Variants in TENM4 observed in about 807,000 individuals in gnomAD.
The protein encoded by TENM4 is teneurin transmembrane protein 4.
TENM4 carries 82 observed loss-of-function variants against 243.3 expected under a neutral mutation model. The ratio of observed to expected loss-of-function variants is 0.34; its 90% confidence interval spans 0.28 to 0.40. TENM4 has a LOEUF of 0.40. Ranked by LOEUF, TENM4 falls within the 10% of genes least tolerant of loss-of-function variation. TENM4 has a pLI of 1.00. For missense variants in TENM4, 3,138 were observed against 3,673.3 expected, an observed-to-expected ratio of 0.85 and a Z score of 3.77; for synonymous variants, 1,412 against 1,456.3, an observed-to-expected ratio of 0.97 and a Z score of 0.69.
intron 2 of TENM4, among the ~76,000 whole-genome samples, chr11:79,282,045 A>G (rs1052687049): frequency 6.6e-6 from 1 of 152,218 alleles, no homozygotes; most frequent in Non-Finnish European, 1.5e-5. Flanking sequence ...TTCCTCTGAC[A>G]TTCCTCTGAA....
At chr11:79,350,907 A>G (rs988556093) in intron 1 of TENM4, among the ~76,000 whole-genome samples, 4 of 152,000 alleles carry the variant, frequency 2.6e-5, no homozygotes, top group African/African-American at 9.7e-5. Context: ...TCTCTGAGTA[A>G]AAGCTAAATC....
At chr11:78,671,065 C>A (rs1858312256) in intron 31 of TENM4, among the ~76,000 whole-genome samples, 1 of 152,206 alleles carries the variant, frequency 6.6e-6, no homozygotes, top group South Asian at 2.1e-4. Flanking sequence ...ACCTGCTAAA[C>A]AGTTTCCGCT....
At chr11:79,050,804 AG>A (rs945536101) in intron 6 of TENM4, among the ~76,000 whole-genome samples, 7 of 152,198 alleles carry the variant, frequency 4.6e-5, no homozygotes, top group Non-Finnish European at 1.5e-5. Flanking sequence ...TATTTATTTG[AG>A]GGAGAGTTTC....
chr11:79,183,837 CA>C (rs374387616), intron 3 of TENM4, among the ~76,000 whole-genome samples: 1,557 of 151,972 alleles, frequency 0.01, 38 homozygotes, highest in African/African-American at 0.034. Context: ...GATGGCTTAT[CA>C]AAAAAACAGA....
intron 6 of TENM4, among the ~76,000 whole-genome samples, chr11:79,063,396 A>G (rs972596487): frequency 1.3e-5 from 2 of 152,334 alleles, no homozygotes; most frequent in African/African-American, 2.4e-5. Flanking sequence ...GCACCAGGCT[A>G]GGTGCTTCCT....
chr11:78,704,578 A>C (rs749482348), intron 27 of TENM4, among the ~76,000 whole-genome samples: 22 of 152,202 alleles, frequency 1.4e-4, no homozygotes, highest in Non-Finnish European at 2.9e-4. Context: ...CTATGTATTA[A>C]GTAGAAAGAA....
chr11:79,048,996 T>A (rs1859731050), intron 6 of TENM4, among the ~76,000 whole-genome samples: 1 of 152,202 alleles, frequency 6.6e-6, no homozygotes, highest in Admixed American at 6.5e-5. Flanking sequence ...CTCTGGCTGA[T>A]GGTTACCCAG....
At chr11:79,301,704 A>G (rs1302809525) in intron 1 of TENM4, among the ~76,000 whole-genome samples, 1 of 152,194 alleles carries the variant, frequency 6.6e-6, no homozygotes, top group Non-Finnish European at 1.5e-5. Flanking sequence ...AGGTGATTGG[A>G]TCGTGGGGTG....
At chr11:78,799,383 G>C (rs1418402155) in intron 15 of TENM4, among the ~76,000 whole-genome samples, 1 of 152,214 alleles carries the variant, frequency 6.6e-6, no homozygotes, top group Non-Finnish European at 1.5e-5. Context: ...CGGTTACACA[G>C]ATTCAGGTCC....
At chr11:78,780,342 G>A (rs1856816501) in intron 16 of TENM4, among the ~76,000 whole-genome samples, 1 of 152,300 alleles carries the variant, frequency 6.6e-6, no homozygotes, top group African/African-American at 2.4e-5. Context: ...CATCTCCCAG[G>A]ATATGCTATC....
intron 6 of TENM4, among the ~76,000 whole-genome samples, chr11:78,982,708 C>A (rs556480524): frequency 1.3e-5 from 2 of 152,322 alleles, no homozygotes; most frequent in South Asian, 4.1e-4. Flanking sequence ...CTCAGAAGGG[C>A]TTATACAAAG....
intron 6 of TENM4, among the ~76,000 whole-genome samples, chr11:79,001,700 T>C (rs1268901708): frequency 6.6e-6 from 1 of 152,202 alleles, no homozygotes; most frequent in South Asian, 2.1e-4. Context: ...GTGGTCTTAC[T>C]TGTGAGATAC....
At chr11:78,665,288 T>G (rs901441416) in intron 32 of TENM4, among the ~76,000 whole-genome samples, 1 of 152,038 alleles carries the variant, frequency 6.6e-6, no homozygotes, top group African/African-American at 2.4e-5. Context: ...TTTCTTTCCT[T>G]TTTTTGACAG....
At chr11:79,340,655 T>C (rs1332095871) in intron 1 of TENM4, among the ~76,000 whole-genome samples, 1 of 152,136 alleles carries the variant, frequency 6.6e-6, no homozygotes, top group Non-Finnish European at 1.5e-5. Context: ...TCCTTACCTT[T>C]CTCTATCCAT....
At chr11:79,276,040 T>C (rs1174778655) in intron 2 of TENM4, among the ~76,000 whole-genome samples, 2 of 151,754 alleles carry the variant, frequency 1.3e-5, no homozygotes, top group Non-Finnish European at 1.5e-5. Flanking sequence ...ATAAATAGAC[T>C]GTAAAGCTGA....
At chr11:79,253,185 A>G (rs903575911) in intron 2 of TENM4, among the ~76,000 whole-genome samples, 8 of 152,216 alleles carry the variant, frequency 5.3e-5, no homozygotes, top group Non-Finnish European at 1.2e-4. Context: ...TGTTGGATTA[A>G]TGGATGAACA....
chr11:79,260,449 A>G (rs1177969159), intron 2 of TENM4, among the ~76,000 whole-genome samples: 1 of 152,182 alleles, frequency 6.6e-6, no homozygotes, highest in Non-Finnish European at 1.5e-5. Flanking sequence ...AGCTTTTACA[A>G]TCACCTTAAA....
intron 1 of TENM4, among the ~76,000 whole-genome samples, chr11:79,388,648 A>G (rs1858166496): frequency 6.6e-6 from 1 of 152,152 alleles, no homozygotes; most frequent in East Asian, 1.9e-4. Flanking sequence ...CCTCTGGCAA[A>G]TGTTTACTGA....
intron 3 of TENM4, among the ~76,000 whole-genome samples, chr11:79,212,116 C>A (rs144550707): frequency 2.0e-5 from 3 of 152,284 alleles, no homozygotes; most frequent in African/African-American, 7.2e-5. Context: ...CTAATGTGAA[C>A]TTTAAAAGAC....
Sources: allele counts gnomAD v4.1 joint callset (sites outside exome capture counted in the v4.1 genomes callset), GRCh38; gene constraint gnomAD v4.1.1; transcripts MANE v1.5; gene names NCBI Gene and HGNC (gene_info 2026-07-23, HGNC 2026-07-21).